TUSC3: variants seen among roughly 807,000 people sequenced by gnomAD.
The protein encoded by TUSC3 is tumor suppressor candidate 3, also known as dolichyl-diphosphooligosaccharide--protein glycosyltransferase subunit TUSC3.
TUSC3 carries 45 observed loss-of-function variants against 44.8 expected under a neutral mutation model. That is an observed-to-expected ratio of 1.00 (90% CI 0.79 to 1.29). The LOEUF is 1.29. TUSC3 is among the 50% of genes most tolerant of loss of function. The pLI is 0.00. For synonymous variants in TUSC3, 212 were observed against 152.9 expected, an observed-to-expected ratio of 1.39 and a Z score of -2.85; for missense variants, 519 against 437.9, an observed-to-expected ratio of 1.19 and a Z score of -1.65.
At chr8:15,442,224 C>T (rs191489050) in intron 1 of TUSC3, among the ~76,000 whole-genome samples, 341 of 151,986 alleles carry the variant, frequency 2.2e-3, no homozygotes, top group South Asian at 0.02. Flanking sequence ...ATTTATACTA[C>T]CTATACTATT....
intron 5 of TUSC3, among the ~76,000 whole-genome samples, chr8:15,671,763 G>A (rs980412560): frequency 1.3e-5 from 2 of 151,844 alleles, no homozygotes; most frequent in African/African-American, 2.4e-5. Flanking sequence ...TTTGTTCATC[G>A]CTTTATCCTC....
intron 7 of TUSC3, among the ~76,000 whole-genome samples, chr8:15,738,827 C>CTTTTTTTTTTCTTTCTTTTTTCTTTT (rs1373248681): frequency 1.1e-5 from 1 of 87,172 alleles, no homozygotes; most frequent in Non-Finnish European, 2.1e-5. Context: ...ATATATCTTG[C>CTTTTTTTTTTCTTTCTTTTTTCTTTT]TTTTTTTTTT....
At chr8:15,511,494 G>A (rs1336659885) in intron 2 of TUSC3, among the ~76,000 whole-genome samples, 2 of 152,114 alleles carry the variant, frequency 1.3e-5, no homozygotes, top group Non-Finnish European at 2.9e-5. Context: ...GCAATGAACA[G>A]TCAGAACCTT....
intron 6 of TUSC3, among the ~76,000 whole-genome samples, chr8:15,685,343 C>T (rs1435200788): frequency 6.6e-6 from 1 of 152,074 alleles, no homozygotes; most frequent in Non-Finnish European, 1.5e-5. Flanking sequence ...TCCTGGCTTC[C>T]TCCCTCTTTA....
At chr8:15,514,514 C>G (rs949708345) in intron 2 of TUSC3, among the ~76,000 whole-genome samples, 1 of 152,158 alleles carries the variant, frequency 6.6e-6, no homozygotes, top group Non-Finnish European at 1.5e-5. Context: ...GAACTGTAGA[C>G]TTACCTTACA....
intron 5 of TUSC3, among the ~76,000 whole-genome samples, chr8:15,670,937 C>T (rs1253036529): frequency 1.3e-5 from 2 of 151,818 alleles, no homozygotes; most frequent in Admixed American, 1.3e-4. Context: ...GGTATTCAAC[C>T]TTATTAATCA....
intron 2 of TUSC3, among the ~76,000 whole-genome samples, chr8:15,484,604 T>G (rs1198772836): frequency 6.6e-6 from 1 of 152,234 alleles, no homozygotes. Flanking sequence ...AAATTAATCT[T>G]GAGTACCTTG....
At chr8:15,786,941 CAAAAAAAAAAAAAA>C in the TUSC3 span, among the ~76,000 whole-genome samples, 1 of 63,378 alleles carries the variant, frequency 1.6e-5, no homozygotes, top group African/African-American at 6.4e-5. Context: ...GAGACTCCAT[CAAAAAAAAAAAAAA>C]AAAAAAAAAA....
intron 2 of TUSC3, among the ~76,000 whole-genome samples, chr8:15,644,351 G>A (rs1376119232): frequency 6.6e-6 from 1 of 152,122 alleles, no homozygotes. Flanking sequence ...CATGAAGTTA[G>A]GCCTTTACTA....
At chr8:15,807,236 C>G in the TUSC3 span, 1 of 662,662 alleles carries the variant, frequency 1.5e-6, no homozygotes, top group Non-Finnish European at 2.8e-6. Context: ...TACCCCACCC[C>G]CAGGCATTAT....
chr8:15,610,271 A>G (rs1804703739), intron 1 of TUSC3, among the ~76,000 whole-genome samples: 1 of 152,178 alleles, frequency 6.6e-6, no homozygotes, highest in Non-Finnish European at 1.5e-5. Flanking sequence ...TATCAAATGC[A>G]AAATATTTCA....
the TUSC3 span, among the ~76,000 whole-genome samples, chr8:15,779,205 C>G: frequency 5.3e-5 from 8 of 151,276 alleles, no homozygotes; most frequent in Admixed American, 5.3e-4. Context: ...CGGGGAAACC[C>G]CATGTATCTC....
chr8:15,685,286 G>T (rs1357453327), intron 6 of TUSC3, among the ~76,000 whole-genome samples: 1 of 152,034 alleles, frequency 6.6e-6, no homozygotes, highest in Admixed American at 6.5e-5. Context: ...CTCAGGTCTG[G>T]TTCAGTACAG....
intron 2 of TUSC3, among the ~76,000 whole-genome samples, chr8:15,647,389 C>A (rs555264827): frequency 6.6e-6 from 1 of 152,158 alleles, no homozygotes; most frequent in East Asian, 1.9e-4. Flanking sequence ...CTCTTATGTT[C>A]ATTTTTTTGT....
chr8:15,712,671 C>G (rs548763884), intron 6 of TUSC3, among the ~76,000 whole-genome samples: 2 of 152,020 alleles, frequency 1.3e-5, no homozygotes, highest in African/African-American at 4.8e-5. Flanking sequence ...AGCTTTACTG[C>G]CTACTTTGCT....
intron 2 of TUSC3, among the ~76,000 whole-genome samples, chr8:15,521,427 A>G (rs529300748): frequency 9.2e-5 from 14 of 152,294 alleles, no homozygotes; most frequent in African/African-American, 3.4e-4. Flanking sequence ...CATCCTTTAC[A>G]AGGATGTTTG....
chr8:15,709,256 A>G (rs1328066588), intron 6 of TUSC3, among the ~76,000 whole-genome samples: 1 of 151,906 alleles, frequency 6.6e-6, no homozygotes, highest in Non-Finnish European at 1.5e-5. Context: ...TTTTTATGTT[A>G]GTAATATTAG....
intron 1 of TUSC3, among the ~76,000 whole-genome samples, chr8:15,606,746 C>T (rs976556627): frequency 2.2e-4 from 34 of 152,104 alleles, no homozygotes; most frequent in South Asian, 1.2e-3. Flanking sequence ...CTGATTATTT[C>T]TTTAGGATAA....
At chr8:15,520,047 C>G (rs1249107330) in intron 2 of TUSC3, among the ~76,000 whole-genome samples, 1 of 152,162 alleles carries the variant, frequency 6.6e-6, no homozygotes, top group African/African-American at 2.4e-5. Flanking sequence ...CAGTGTGTAC[C>G]TAATAAGATT....
Sources: gnomAD v4.1 joint callset for allele counts (sites outside exome capture counted in the v4.1 genomes callset) on GRCh38, gnomAD v4.1.1 for gene constraint, MANE v1.5 for transcripts, NCBI Gene and HGNC (gene_info 2026-07-23, HGNC 2026-07-21) for gene names.